Variants in GNG2 observed in about 807,000 individuals in gnomAD.
The protein encoded by GNG2 is guanine nucleotide-binding protein G(I)/G(S)/G(O) subunit gamma-2.
In GNG2, 5 loss-of-function variants were observed where a neutral mutation model predicts 5.5. The ratio of observed to expected loss-of-function variants is 0.91; its 90% CI spans 0.48 to 1.92. GNG2 has a LOEUF of 1.92. GNG2 is among the 30% of genes most tolerant of loss of function. The pLI is 0.01. For missense variants in GNG2, 55 were observed against 88.4 expected, an observed-to-expected ratio of 0.62 and a Z score of 1.52; for synonymous variants, 28 against 32.0, an observed-to-expected ratio of 0.88 and a Z score of 0.42.
At chr14:51,866,760 A>G (rs1295362361) in intron 1 of GNG2, among the ~76,000 whole-genome samples, 3 of 152,196 alleles carry the variant, frequency 2.0e-5, no homozygotes, top group Admixed American at 2.0e-4. Flanking sequence ...TCATGACCCA[A>G]TCACCTCCAA....
chr14:51,862,617 A>G (rs1882590667), intron 1 of GNG2, among the ~76,000 whole-genome samples: 1 of 152,248 alleles, frequency 6.6e-6, no homozygotes, highest in Non-Finnish European at 1.5e-5. Context: ...GGCACAGACA[A>G]TCTGCATTAG....
chr14:51,833,746 T>C (rs1881259799), intron 2 of GNG2, among the ~76,000 whole-genome samples: 1 of 152,264 alleles, frequency 6.6e-6, no homozygotes, highest in Admixed American at 6.5e-5. Flanking sequence ...GGAGTCCACA[T>C]TCTATAGACT....
chr14:51,835,499 C>T (rs547842101), intron 2 of GNG2, among the ~76,000 whole-genome samples: 1 of 152,302 alleles, frequency 6.6e-6, no homozygotes, highest in East Asian at 1.9e-4. Flanking sequence ...CTCTCAACTT[C>T]AGCAAAAACC....
intron 2 of GNG2, among the ~76,000 whole-genome samples, chr14:51,888,952 A>C (rs1241776786): frequency 6.6e-6 from 1 of 152,178 alleles, no homozygotes; most frequent in Non-Finnish European, 1.5e-5. Flanking sequence ...GCTAGGTGAA[A>C]GAAACTAGAC....
intron 2 of GNG2, among the ~76,000 whole-genome samples, chr14:51,924,594 C>A (rs1254380164): frequency 1.3e-5 from 2 of 152,144 alleles, no homozygotes; most frequent in Non-Finnish European, 2.9e-5. Context: ...AGCAGAGGAA[C>A]CTTGAGGAAG....
In GNG2 at chr14:51,893,698, CT is replaced by C. The variant is rs150080774; in HGVS notation, c.-30+16043del. Reference sequence around the variant, plus strand: ...TATCCAAGGTAATATAAATATCCTCCTTATTCTTCTTCTAATATTTTAAAAA... The same window carrying C: ...TATCCAAGGTAATATAAATATCCTCCTATTCTTCTTCTAATATTTTAAAAA... On this transcript the variant is annotated intron_variant, in intron 2 of 3. Transcript: ENST00000556766. Among the ~76,000 whole-genome samples the C allele has an allele frequency of 7.6e-3, 1,150 of 152,020 alleles. 7 individuals are homozygous for C. Among genetic ancestry groups the C allele is most frequent in the African/African-American group, 0.019 (783 of 41,498 alleles).
chr14:51,869,972 A>G (rs982047857), intron 1 of GNG2, among the ~76,000 whole-genome samples: 2 of 152,222 alleles, frequency 1.3e-5, no homozygotes, highest in Admixed American at 1.3e-4. Flanking sequence ...TCGCTGAAGA[A>G]CAAAGTCATC....
chr14:51,866,447 T>C (rs1882896380), intron 1 of GNG2, among the ~76,000 whole-genome samples: 1 of 152,254 alleles, frequency 6.6e-6, no homozygotes, highest in Non-Finnish European at 1.5e-5. Context: ...AAGGCACATA[T>C]TACAGACTTC....
intron 2 of GNG2, among the ~76,000 whole-genome samples, chr14:51,886,784 C>A (rs897418724): frequency 1.3e-4 from 20 of 152,168 alleles, no homozygotes. Flanking sequence ...ATCGCCTGCT[C>A]ATGCTCCTCA....
At position 51,950,721 on chromosome 14, in the gene GNG2, C is replaced by A; in HGVS notation, c.43C>A (p.Leu15Met). 1 of 1,611,982 alleles carries A rather than the reference C, an allele frequency of 6.2e-7. No individual in the cohort carries two copies. Among genetic ancestry groups the A allele is most frequent in the Non-Finnish European group, 8.5e-7 (1 of 1,179,200 alleles). ...NTASIAQARKLVEQLKMEANI... is the reference protein window; with the variant it reads ...NTASIAQARKMVEQLKMEANI... The stretch of plus-strand genomic sequence containing the variant: ...CGCCAGCATAGCACAAGCCAGGAAG[C>A]TGGTAGAGCAGCTTAAGATGGAAGC... Residue 15 changes from leucine (L) to methionine (M), a missense_variant, in exon 3 of 4, where the codon CTG (leucine) becomes ATG (methionine). Coordinates refer to ENST00000556766, the MANE Select transcript of GNG2 (RefSeq NM_053064.5).
chr14:51,874,117 G>A (rs1883486334), intron 1 of GNG2: 1 of 152,178 alleles, frequency 6.6e-6, no homozygotes, highest in Non-Finnish European at 1.5e-5. Context: ...TTTTAAGACT[G>A]TTTCTAAATT....
At chr14:51,962,847 A>G (rs1889694050) in intron 3 of GNG2, among the ~76,000 whole-genome samples, 1 of 152,222 alleles carries the variant, frequency 6.6e-6, no homozygotes, top group Non-Finnish European at 1.5e-5. Flanking sequence ...GTGACTCATT[A>G]TAAGGCACAG....
At chr14:51,841,760 T>C (rs1881490024) in intron 2 of GNG2, among the ~76,000 whole-genome samples, 1 of 152,188 alleles carries the variant, frequency 6.6e-6, no homozygotes, top group Non-Finnish European at 1.5e-5. Context: ...GAGGTAGGTA[T>C]AGATACAAGG....
intron 1 of GNG2, among the ~76,000 whole-genome samples, chr14:51,875,305 A>G (rs1425643333): frequency 6.6e-6 from 1 of 152,216 alleles, no homozygotes; most frequent in African/African-American, 2.4e-5. Context: ...GGATGGAAGA[A>G]GTTGGAAGGG....
At chr14:51,906,874 G>T (rs557904887) in intron 2 of GNG2, among the ~76,000 whole-genome samples, 54 of 148,956 alleles carry the variant, frequency 3.6e-4, no homozygotes, top group Admixed American at 1.5e-3. Flanking sequence ...TCCTGCCTCA[G>T]CCTCCCGAGT....
chr14:51,879,751 A>G (rs1883918938), intron 2 of GNG2, among the ~76,000 whole-genome samples: 1 of 152,172 alleles, frequency 6.6e-6, no homozygotes, highest in African/African-American at 2.4e-5. Flanking sequence ...TTTTTTAAGT[A>G]TCTGTGTGAT....
chr14:51,959,239 A>G (rs1889451960), intron 3 of GNG2, among the ~76,000 whole-genome samples: 1 of 152,100 alleles, frequency 6.6e-6, no homozygotes, highest in African/African-American at 2.4e-5. Context: ...CCAAATTTAT[A>G]GCTCTAGCCC....
At chr14:51,836,034 GA>G (rs1881320358) in intron 2 of GNG2, among the ~76,000 whole-genome samples, 1 of 151,558 alleles carries the variant, frequency 6.6e-6, no homozygotes, top group Non-Finnish European at 1.5e-5. Flanking sequence ...TTTGAAGGCT[GA>G]GGTATCTAGT....
At chr14:51,859,015 T>G (rs568674190), upstream of GNG2, among the ~76,000 whole-genome samples, 5 of 152,344 alleles carry the variant, frequency 3.3e-5, no homozygotes, top group East Asian at 9.6e-4. Context: ...TAGGTTAACG[T>G]GCTGTGGTCC....
Sources: gnomAD v4.1 joint callset for allele counts (sites outside exome capture counted in the v4.1 genomes callset) on GRCh38, gnomAD v4.1.1 for gene constraint, MANE v1.5 for transcripts, NCBI Gene and HGNC (gene_info 2026-07-23, HGNC 2026-07-21) for gene names.